RSRC1: variants seen among roughly 807,000 people sequenced by gnomAD.
RSRC1 encodes arginine and serine rich coiled-coil 1, also known as serine/Arginine-related protein 53.
Under a neutral mutation model 49.1 loss-of-function variants are expected in RSRC1, and 39 were observed. That is an observed-to-expected ratio of 0.79 (90% CI 0.61 to 1.04). RSRC1 has a LOEUF of 1.04. RSRC1 is among the 50% of genes least tolerant of loss of function. The pLI is 0.00. For synonymous variants in RSRC1, 143 were observed against 130.8 expected, an observed-to-expected ratio of 1.09 and a Z score of -0.63; for missense variants, 388 against 402.4, an observed-to-expected ratio of 0.96 and a Z score of 0.31.
intron 4 of RSRC1, among the ~76,000 whole-genome samples, chr3:158,296,217 A>G (rs1292048968): frequency 6.6e-6 from 1 of 152,094 alleles, no homozygotes; most frequent in African/African-American, 2.4e-5. Context: ...GTAGATGTGT[A>G]TTATATAGCA....
At chr3:158,419,263 G>A (rs540276746) in intron 6 of RSRC1, among the ~76,000 whole-genome samples, 7 of 152,068 alleles carry the variant, frequency 4.6e-5, no homozygotes, top group Admixed American at 4.6e-4. Flanking sequence ...TGAGATACCA[G>A]GGTCTTCCTG....
intron 7 of RSRC1, among the ~76,000 whole-genome samples, chr3:158,462,770 A>G (rs1578510679): frequency 6.6e-6 from 1 of 152,010 alleles, no homozygotes; most frequent in East Asian, 1.9e-4. Flanking sequence ...ATACTTGAAC[A>G]TTATAATTCT....
At chr3:158,488,178 C>G (rs895197963) in intron 7 of RSRC1, among the ~76,000 whole-genome samples, 2 of 151,982 alleles carry the variant, frequency 1.3e-5, no homozygotes, top group Non-Finnish European at 2.9e-5. Context: ...AAATATGTTT[C>G]TCTCATCTTG....
At chr3:158,179,175 T>C (rs1012752413) in intron 3 of RSRC1, among the ~76,000 whole-genome samples, 1 of 152,218 alleles carries the variant, frequency 6.6e-6, no homozygotes, top group Non-Finnish European at 1.5e-5. Context: ...TATTTGGATA[T>C]TTTTAACTTT....
intron 3 of RSRC1, among the ~76,000 whole-genome samples, chr3:158,138,984 G>C (rs1323989275): frequency 2.6e-5 from 4 of 152,160 alleles, no homozygotes; most frequent in African/African-American, 9.7e-5. Flanking sequence ...TGGTGAGGAA[G>C]GGTCTAGAGT....
chr3:158,228,874 AACACATACGTGTAATGTGTATATAAAC>A (rs1559951921), intron 4 of RSRC1, among the ~76,000 whole-genome samples: 1 of 22,462 alleles, frequency 4.5e-5, no homozygotes, highest in Non-Finnish European at 8.2e-5. Flanking sequence ...TATGTATATA[AACACATACGTGTAATGTGTATATAAAC>A]ACACATACGT....
intron 7 of RSRC1, among the ~76,000 whole-genome samples, chr3:158,462,353 T>C (rs1027118774): frequency 6.6e-6 from 1 of 151,970 alleles, no homozygotes; most frequent in Non-Finnish European, 1.5e-5. Context: ...AGTACTGCTA[T>C]GTTGTGTGGC....
chr3:158,459,086 C>G (rs1737487763), intron 6 of RSRC1, among the ~76,000 whole-genome samples: 1 of 152,082 alleles, frequency 6.6e-6, no homozygotes, highest in South Asian at 2.1e-4. Flanking sequence ...TATACTATTT[C>G]AACATAATTC....
At chr3:158,422,471 A>G (rs1445570839) in intron 6 of RSRC1, among the ~76,000 whole-genome samples, 2 of 151,012 alleles carry the variant, frequency 1.3e-5, no homozygotes, top group African/African-American at 2.4e-5. Context: ...AATCCAGTCT[A>G]TCATTGTTGG....
At chr3:158,321,010 G>A (rs1413501701) in intron 5 of RSRC1, among the ~76,000 whole-genome samples, 1 of 151,922 alleles carries the variant, frequency 6.6e-6, no homozygotes. Flanking sequence ...GATAAAAACC[G>A]GGATTCTCTG....
At chr3:158,339,745 C>A (rs1730126934) in intron 5 of RSRC1, among the ~76,000 whole-genome samples, 1 of 152,148 alleles carries the variant, frequency 6.6e-6, no homozygotes, top group African/African-American at 2.4e-5. Context: ...GCTAATGATA[C>A]AGAGATATAA....
chr3:158,157,097 A>G (rs1469562014), intron 3 of RSRC1, among the ~76,000 whole-genome samples: 3 of 152,222 alleles, frequency 2.0e-5, no homozygotes, highest in Non-Finnish European at 2.9e-5. Context: ...AGATGTCTCT[A>G]GCTTTTCTCT....
At chr3:158,121,307 TATATGTTTGTGTGTA>T (rs1429321333) in intron 1 of RSRC1, among the ~76,000 whole-genome samples, 1 of 152,096 alleles carries the variant, frequency 6.6e-6, no homozygotes, top group Non-Finnish European at 1.5e-5. Context: ...GATATAAATA[TATATGTTTGTGTGTA>T]ATATACACAT....
intron 6 of RSRC1, among the ~76,000 whole-genome samples, chr3:158,413,845 G>A (rs560363194): frequency 1.3e-5 from 2 of 152,318 alleles, no homozygotes; most frequent in East Asian, 3.9e-4. Context: ...ACAGGTGTTA[G>A]TGAGATTGTG....
chr3:158,496,472 TAA>T (rs1175757501), intron 7 of RSRC1: 3 of 152,404 alleles, frequency 2.0e-5, no homozygotes, highest in East Asian at 1.9e-4. Flanking sequence ...TTCATTATAG[TAA>T]AAGAGTAATA....
At chr3:158,134,274 G>A (rs769503440) in intron 3 of RSRC1, among the ~76,000 whole-genome samples, 1 of 151,934 alleles carries the variant, frequency 6.6e-6, no homozygotes, top group Non-Finnish European at 1.5e-5. Context: ...AGTAGTTTTA[G>A]CTTCATTTTT....
intron 6 of RSRC1, among the ~76,000 whole-genome samples, chr3:158,417,384 T>C (rs1734800359): frequency 6.6e-6 from 1 of 152,108 alleles, no homozygotes; most frequent in African/African-American, 2.4e-5. Flanking sequence ...TGCAAATTGT[T>C]TTCCTTTTTT....
chr3:158,319,036 G>A (rs827115), intron 5 of RSRC1, among the ~76,000 whole-genome samples: 144,011 of 152,220 alleles, frequency 0.95, 68,230 homozygotes, highest in East Asian at 1. Context: ...CATGAGGTTC[G>A]ACATATCTAC....
intron 6 of RSRC1, among the ~76,000 whole-genome samples, chr3:158,445,247 A>G (rs574800972): frequency 1.3e-5 from 2 of 152,322 alleles, no homozygotes; most frequent in South Asian, 2.1e-4. Context: ...AAGACTTGGA[A>G]CAAACCCAGA....
Sources: gnomAD v4.1 joint callset for allele counts (sites outside exome capture counted in the v4.1 genomes callset) on GRCh38, gnomAD v4.1.1 for gene constraint, MANE v1.5 for transcripts, NCBI Gene and HGNC (gene_info 2026-07-23, HGNC 2026-07-21) for gene names.